Variants in CUX1 observed in about 807,000 individuals in gnomAD.
The protein encoded by CUX1 is cut like homeobox 1, also known as protein CASP.
In CUX1, 31 loss-of-function variants were observed where a neutral mutation model predicts 158.8. The ratio of observed to expected loss-of-function variants is 0.20; its 90% CI spans 0.15 to 0.26. The LOEUF is 0.26. Among genes scored for constraint, CUX1 ranks in the 10% least tolerant of loss-of-function variants. CUX1 has a pLI of 1.00. For missense variants in CUX1, 1,589 were observed against 2,014.6 expected (o/e 0.79, Z 4.04); for synonymous variants, 879 against 862.1 (o/e 1.02, Z -0.34).
intron 9 of CUX1, among the ~76,000 whole-genome samples, chr7:102,161,843 G>A (rs1285849189): frequency 6.6e-6 from 1 of 152,082 alleles, no homozygotes; most frequent in Non-Finnish European, 1.5e-5. Flanking sequence ...CCTGACCTCA[G>A]GTGATCTGCC....
At chr7:101,972,634 C>T (rs1812108501) in intron 2 of CUX1, among the ~76,000 whole-genome samples, 1 of 152,224 alleles carries the variant, frequency 6.6e-6, no homozygotes, top group Admixed American at 6.5e-5. Flanking sequence ...CACGCGCCCT[C>T]ACCACCTCCT....
chr7:102,078,980 A>G (rs1827073434), intron 4 of CUX1, among the ~76,000 whole-genome samples: 1 of 152,290 alleles, frequency 6.6e-6, no homozygotes, highest in Non-Finnish European at 1.5e-5. Context: ...CTGCTTTTTA[A>G]TGCTCCTCCA....
chr7:102,045,404 G>A (rs967603230), intron 3 of CUX1, among the ~76,000 whole-genome samples: 9 of 152,220 alleles, frequency 5.9e-5, no homozygotes, highest in African/African-American at 1.9e-4. Flanking sequence ...CCGCCCGCCC[G>A]GCGCTGCCGC....
chr7:102,033,547 T>A (rs1213173166), intron 3 of CUX1, among the ~76,000 whole-genome samples: 1 of 152,202 alleles, frequency 6.6e-6, no homozygotes, highest in Non-Finnish European at 1.5e-5. Context: ...AAGGGAATGT[T>A]ATAAGCAACT....
At chr7:101,994,596 G>T (rs1027238135) in intron 2 of CUX1, among the ~76,000 whole-genome samples, 4 of 152,114 alleles carry the variant, frequency 2.6e-5, no homozygotes, top group Non-Finnish European at 5.9e-5. Flanking sequence ...GCGAGACTCC[G>T]TCTCAAACAA....
intron 20 of CUX1, among the ~76,000 whole-genome samples, chr7:102,221,742 A>T (rs1586300353): frequency 3.5e-5 from 1 of 28,840 alleles, no homozygotes; most frequent in Non-Finnish European, 9.6e-5. Flanking sequence ...CCTTGTAAAA[A>T]AAAAAAAAAA....
intron 2 of CUX1, among the ~76,000 whole-genome samples, chr7:101,941,684 C>T (rs568007024): frequency 9.8e-4 from 150 of 152,298 alleles, no homozygotes; most frequent in African/African-American, 3.5e-3. Flanking sequence ...TCCTGAACTC[C>T]GTCTGCCTCG....
chr7:102,226,993 A>T (rs1447243308), intron 20 of CUX1, among the ~76,000 whole-genome samples: 1 of 152,164 alleles, frequency 6.6e-6, no homozygotes, highest in Non-Finnish European at 1.5e-5. Context: ...TGGACAACAT[A>T]ACTACACAAG....
At chr7:102,076,528 C>T (rs555174426) in intron 4 of CUX1, among the ~76,000 whole-genome samples, 28 of 152,174 alleles carry the variant, frequency 1.8e-4, no homozygotes, top group African/African-American at 5.3e-4. Context: ...CACCAGATCG[C>T]TTCTTATTTC....
At chr7:102,073,373 A>C (rs1049577169) in intron 4 of CUX1, among the ~76,000 whole-genome samples, 1 of 151,554 alleles carries the variant, frequency 6.6e-6, no homozygotes, top group Non-Finnish European at 1.5e-5. Flanking sequence ...GGGTTTCGCC[A>C]TGTTGGCCAG....
rs112592042 is a variant in CUX1 at position 101,952,741 on chromosome 7, A to G, written c.141+36516A>G. On this transcript the variant is annotated intron_variant, in intron 2 of 23. Transcript: ENST00000292535. ...CCGCCACCTTCTCCCCCACTGCGCC[A>G]TGCTGGTCTCAGCTCGGGGCTTACC... 7.0e-3 allele frequency among the ~76,000 whole-genome samples: 1,063 copies of G among 152,182 alleles called. 15 individuals are homozygous for G. Among genetic ancestry groups the G allele is most frequent in the African/African-American group, 0.024 (1,005 of 41,534 alleles).
chr7:102,081,085 A>G (rs1827330887), intron 4 of CUX1, among the ~76,000 whole-genome samples: 1 of 152,084 alleles, frequency 6.6e-6, no homozygotes. Flanking sequence ...CTGCTGAATC[A>G]CTTCTTCACC....
intron 10 of CUX1, among the ~76,000 whole-genome samples, chr7:102,174,436 G>T (rs1251205315): frequency 9.9e-5 from 15 of 152,082 alleles, no homozygotes; most frequent in Admixed American, 9.8e-4. Flanking sequence ...AGCTTTGAAG[G>T]CCACCTCTTC....
At chr7:101,901,826 C>A (rs757600856) in intron 1 of CUX1, among the ~76,000 whole-genome samples, 2 of 152,194 alleles carry the variant, frequency 1.3e-5, no homozygotes, top group South Asian at 4.1e-4. Flanking sequence ...GTTCTCCTCG[C>A]GAAGGGGAAG....
intron 2 of CUX1, among the ~76,000 whole-genome samples, chr7:102,018,142 G>T (rs1424501154): frequency 2.0e-5 from 3 of 151,974 alleles, no homozygotes; most frequent in African/African-American, 7.2e-5. Flanking sequence ...GAAACTTTTT[G>T]TAGAGCAGGA....
chr7:101,998,102 G>T (rs954759069), intron 2 of CUX1, among the ~76,000 whole-genome samples: 1 of 152,208 alleles, frequency 6.6e-6, no homozygotes, highest in East Asian at 1.9e-4. Context: ...GCACAGAGCC[G>T]GGTACTGTGC....
intron 19 of CUX1, 111 bp from the exon 20 acceptor site, chr7:102,205,002 GC>G: frequency 1.4e-6 from 1 of 690,688 alleles, no homozygotes. Flanking sequence ...CCCCATGCCC[GC>G]CCCTCCCCAG....
intron 2 of CUX1, among the ~76,000 whole-genome samples, chr7:101,938,731 C>A (rs1807254555): frequency 6.6e-6 from 1 of 152,050 alleles, no homozygotes; most frequent in Non-Finnish European, 1.5e-5. Context: ...CATGGCAAAA[C>A]CCTGTCTCTA....
chr7:102,181,626 T>G (rs528654764), intron 11 of CUX1, among the ~76,000 whole-genome samples: 4 of 152,338 alleles, frequency 2.6e-5, no homozygotes, highest in African/African-American at 7.2e-5. Flanking sequence ...CGATACTTCT[T>G]CCAAAATCAT....
Sources: gnomAD v4.1 joint callset for allele counts (sites outside exome capture counted in the v4.1 genomes callset) on GRCh38, gnomAD v4.1.1 for gene constraint, MANE v1.5 for transcripts, NCBI Gene and HGNC (gene_info 2026-07-23, HGNC 2026-07-21) for gene names.